Variants in DLGAP2 observed in about 807,000 individuals in gnomAD.
DLGAP2 encodes the protein DLG associated protein 2.
Under a neutral mutation model 100.3 loss-of-function variants are expected in DLGAP2, and 26 were observed. The ratio of observed to expected loss-of-function variants is 0.26; its 90% CI spans 0.19 to 0.36. The LOEUF is 0.36. Among genes scored for constraint, DLGAP2 ranks in the 10% least tolerant of loss-of-function variants. The pLI is 1.00. For synonymous variants in DLGAP2, 886 were observed against 630.1 expected (o/e 1.41, Z -6.08); for missense variants, 1,858 against 1,453.2 (o/e 1.28, Z -4.53).
intron 2 of DLGAP2, among the ~76,000 whole-genome samples, chr8:1,180,231 G>T (rs1563234827): frequency 2.0e-5 from 3 of 152,176 alleles, no homozygotes; most frequent in Non-Finnish European, 4.4e-5. Flanking sequence ...ACAGTGAAGT[G>T]CCCAGATTCT....
chr8:1,603,091 C>T lies in DLGAP2; in HGVS notation c.1443-23649C>T, dbSNP rs550122661. Among the ~76,000 whole-genome samples the T allele has an allele frequency of 2.9e-4, 44 of 149,684 alleles. 2 individuals carry two copies. The South Asian group carries it at 8.3e-3, about 28-fold the overall frequency. On this transcript the variant is annotated intron_variant, in intron 6 of 14. Coordinates refer to ENST00000637795, the MANE Select transcript of DLGAP2 (RefSeq NM_001346810.2). Reference sequence around the variant, plus strand: ...GGGTGGAAGCTGGGTCTCAGTTCTGCAGAGGCTGGTTAGAGTGGAGGCTGG... The same window carrying T: ...GGGTGGAAGCTGGGTCTCAGTTCTGTAGAGGCTGGTTAGAGTGGAGGCTGG...
At chr8:1,085,542 G>T (rs1225550512) in intron 2 of DLGAP2, among the ~76,000 whole-genome samples, 4 of 152,162 alleles carry the variant, frequency 2.6e-5, no homozygotes, top group African/African-American at 9.7e-5. Context: ...CTTTTCCCGT[G>T]TGTATTCTCA....
intron 3 of DLGAP2, among the ~76,000 whole-genome samples, chr8:1,495,802 GACGTGCGATTCACT>G (rs1799528333): frequency 6.6e-6 from 1 of 152,176 alleles, no homozygotes; most frequent in African/African-American, 2.4e-5. Flanking sequence ...TGTCTGCGAT[GACGTGCGATTCACT>G]AATCACCCGG....
In DLGAP2 at chr8:1,668,697, C is replaced by A. The variant is rs2235113; in HGVS notation, c.2160+19C>A. On this transcript the variant is annotated intron_variant, in intron 9 of 14. Coordinates refer to ENST00000637795, the MANE Select transcript of DLGAP2 (RefSeq NM_001346810.2). ...GATTCAGGTAGCTGCTCTTGGCCGCCCGTCAGGGCCTCGCTCCACTCAGTC... is the reference window on the plus strand; with the variant it reads ...GATTCAGGTAGCTGCTCTTGGCCGCACGTCAGGGCCTCGCTCCACTCAGTC... The A allele has an allele frequency of 6.7e-7, 1 of 1,502,082 alleles. No individual in the cohort carries two copies. Among genetic ancestry groups the A allele is most frequent in the Non-Finnish European group, 8.9e-7 (1 of 1,122,064 alleles). The allele number at this position is 1,502,082 out of a possible 1,614,324, so 93.0% of individuals were successfully genotyped here. A position where few individuals can be genotyped will look rare whatever the true frequency, so the allele number is the denominator to read the frequency against.
chr8:1,335,751 TG>T (rs1225093174), intron 3 of DLGAP2, among the ~76,000 whole-genome samples: 1 of 152,250 alleles, frequency 6.6e-6, no homozygotes, highest in Non-Finnish European at 1.5e-5. Flanking sequence ...TTATGTGTTT[TG>T]TTGCTATGTT....
At chr8:768,788 G>A (rs886841252) in intron 1 of DLGAP2, among the ~76,000 whole-genome samples, 6 of 152,028 alleles carry the variant, frequency 3.9e-5, no homozygotes, top group Admixed American at 6.6e-5. Flanking sequence ...AAAATGGTGC[G>A]CTTCCATCGG....
chr8:907,565 A>C (rs1798405513), intron 1 of DLGAP2, among the ~76,000 whole-genome samples: 2 of 152,180 alleles, frequency 1.3e-5, no homozygotes, highest in African/African-American at 4.8e-5. Flanking sequence ...CTAATATTTT[A>C]AAAGCCATCA....
intron 3 of DLGAP2, among the ~76,000 whole-genome samples, chr8:1,327,016 C>T (rs1563084729): frequency 6.6e-6 from 1 of 152,234 alleles, no homozygotes; most frequent in South Asian, 2.1e-4. Flanking sequence ...AAGGCCTAGG[C>T]AGTGATTCTG....
intron 1 of DLGAP2, among the ~76,000 whole-genome samples, chr8:860,970 T>C (rs542592808): frequency 3.9e-5 from 6 of 152,286 alleles, no homozygotes; most frequent in Non-Finnish European, 7.4e-5. Context: ...GCCTGTCCCC[T>C]GCTGGACAAA....
chr8:882,171 C>T (rs955240863), intron 1 of DLGAP2, among the ~76,000 whole-genome samples: 27 of 152,234 alleles, frequency 1.8e-4, no homozygotes, highest in Admixed American at 3.9e-4. Flanking sequence ...ACGTGAGACC[C>T]AGCTGAGGCC....
Position 1,703,413 on chromosome 8 carries a change from T to C in DLGAP2, c.*2007T>C, listed in dbSNP as rs566195151. 6.5e-6 allele frequency: 1 copy of C among 152,750 alleles called. No homozygotes were observed. Among genetic ancestry groups the C allele is most frequent in the South Asian group, 2.1e-4 (1 of 4,826 alleles). 9.5% of individuals were successfully genotyped at this position (152,750 alleles called of 1,614,324 possible). ...CTAAATCTTGAGTAGTGTACGGTAA[T>C]GACGCTTCTTCCTATATCCACTCTT... On this transcript the variant is annotated 3_prime_UTR_variant, in exon 15 of 15. Transcript: ENST00000637795.
intron 1 of DLGAP2, among the ~76,000 whole-genome samples, chr8:893,684 C>G (rs1279571387): frequency 6.6e-6 from 1 of 152,214 alleles, no homozygotes; most frequent in Non-Finnish European, 1.5e-5. Context: ...TCCAGCGGCC[C>G]TCCTGCCTGC....
At chr8:1,169,973 G>T (rs976023811) in intron 2 of DLGAP2, among the ~76,000 whole-genome samples, 5 of 151,846 alleles carry the variant, frequency 3.3e-5, no homozygotes, top group Non-Finnish European at 7.4e-5. Context: ...TTTTCAAAGG[G>T]AATGCTTCCA....
At chr8:1,030,457 TGTGCAATGTGGG>T (rs1361744011) in intron 2 of DLGAP2, among the ~76,000 whole-genome samples, 1 of 152,204 alleles carries the variant, frequency 6.6e-6, no homozygotes, top group Non-Finnish European at 1.5e-5. Context: ...CTGAAATGGA[TGTGCAATGTGGG>T]GTGCAAAGGT....
At chr8:757,361 A>G (rs112867352) in intron 1 of DLGAP2, among the ~76,000 whole-genome samples, 2,241 of 152,284 alleles carry the variant, frequency 0.015, 57 homozygotes, top group African/African-American at 0.051. Flanking sequence ...GAAGGCCCCC[A>G]TGAGATTTAT....
chr8:926,305 G>A (rs979771235), intron 2 of DLGAP2, among the ~76,000 whole-genome samples: 4 of 152,176 alleles, frequency 2.6e-5, no homozygotes, highest in South Asian at 4.1e-4. Context: ...CTGCTTTCCC[G>A]TTCTTCCTTC....
At chr8:1,075,256 C>G (rs992196016) in intron 2 of DLGAP2, among the ~76,000 whole-genome samples, 6 of 152,160 alleles carry the variant, frequency 3.9e-5, no homozygotes, top group African/African-American at 1.2e-4. Flanking sequence ...AGTTAGGACC[C>G]TCTTGTTGAG....
intron 10 of DLGAP2, among the ~76,000 whole-genome samples, chr8:1,672,138 C>T (rs1798704555): frequency 6.6e-6 from 1 of 152,318 alleles, no homozygotes; most frequent in South Asian, 2.1e-4. Flanking sequence ...GAGGCCTGGT[C>T]TAACATTCAG....
Position 1,701,175 on chromosome 8 carries a change from C to T in DLGAP2, c.2950-13C>T. 1 of 1,551,706 alleles carries T rather than the reference C, an allele frequency of 6.4e-7. No homozygotes were observed. Among genetic ancestry groups the T allele is most frequent in the Non-Finnish European group, 8.7e-7 (1 of 1,148,404 alleles). ...CCGAGCACCTGCCAACGGTGACTTGCGCTGCTTTTCAGGAAGAAAGAAAGG... is the reference window on the plus strand; with the variant it reads ...CCGAGCACCTGCCAACGGTGACTTGTGCTGCTTTTCAGGAAGAAAGAAAGG... On this transcript the variant is annotated splice_polypyrimidine_tract_variant and intron_variant, in intron 14 of 14. Transcript: ENST00000637795.
Sources: gnomAD v4.1 joint callset for allele counts (sites outside exome capture counted in the v4.1 genomes callset) on GRCh38, gnomAD v4.1.1 for gene constraint, MANE v1.5 for transcripts, NCBI Gene and HGNC (gene_info 2026-07-23, HGNC 2026-07-21) for gene names.